The following ULK4 variants were observed in gnomAD, a reference collection of about 807,000 sequenced individuals.
The protein encoded by ULK4 is inactive serine/threonine-protein kinase ULK4.
In ULK4, 133 loss-of-function variants were observed where a neutral mutation model predicts 160.6. That is an observed-to-expected ratio of 0.83 (90% confidence interval 0.72 to 0.96). The LOEUF is 0.96. Among genes scored for constraint, ULK4 ranks in the 40% least tolerant of loss-of-function variants. The probability of loss-of-function intolerance (pLI) is 0.00; values close to 1 mark genes in which losing one functional copy is unlikely to be tolerated. For synonymous variants in ULK4, 534 were observed against 539.8 expected (o/e 0.99, Z 0.15); for missense variants, 1,580 against 1,499.5 (o/e 1.05, Z -0.89).
intron 35 of ULK4, among the ~76,000 whole-genome samples, chr3:41,250,019 G>GT (rs1217940411): frequency 1.3e-5 from 2 of 152,194 alleles, no homozygotes; most frequent in Non-Finnish European, 2.9e-5. Context: ...TGCCAAGAAG[G>GT]TGCCTGGGGA....
rs10652302 is a variant in ULK4, at chr3:41,735,687, TTTA to T, written c.2322-17829_2322-17827del. Among the ~76,000 whole-genome samples, 242 of 144,464 alleles carry T rather than the reference TTTA, an allele frequency of 1.7e-3. 2 individuals are homozygous for T. Among genetic ancestry groups the T allele is most frequent in the African/African-American group, 4.2e-3 (163 of 38,858 alleles). 94.8% of individuals were successfully genotyped at this position (144,464 alleles called of 152,430 possible). A position where few individuals can be genotyped will look rare whatever the true frequency, so the allele number is the denominator to read the frequency against. The stretch of plus-strand genomic sequence containing the variant: ...TTGCTTCACTCCACTCTAAGTCCAT[TTTA>T]TTATTATTATTATTATTATTATTAT... On this transcript the variant is annotated intron_variant, in intron 22 of 36. Transcript: ENST00000301831.
intron 30 of ULK4, among the ~76,000 whole-genome samples, chr3:41,648,790 T>C (rs2034615990): frequency 6.6e-6 from 1 of 152,060 alleles, no homozygotes; most frequent in Admixed American, 6.5e-5. Context: ...CTCTCCAACA[T>C]CACCAGTTTT....
Position 41,681,772 on chromosome 3 carries a change from G to A in ULK4, c.2814C>T (p.Ser938=), listed in dbSNP as rs756275425. The part of the protein sequence containing the change: ...VVDYILPPLV[S]LVQSQNVEWR... ...ACTTACCATTTTGGCTTTGAACCAAGGACACCAAGGGTGGCAGTATATAGT... is the reference window on the plus strand; with the variant it reads ...ACTTACCATTTTGGCTTTGAACCAAAGACACCAAGGGTGGCAGTATATAGT... Residue 938 remains serine, a synonymous_variant, in exon 28 of 37, where the codon TCC becomes TCT. Transcript: ENST00000301831. 1 of 1,614,026 alleles carries A rather than the reference G, an allele frequency of 6.2e-7. No individual in the cohort carries two copies. Among genetic ancestry groups the A allele is most frequent in the Admixed American group, 1.7e-5 (1 of 60,002 alleles).
intron 32 of ULK4, among the ~76,000 whole-genome samples, chr3:41,472,489 A>G (rs1191899300): frequency 6.6e-6 from 1 of 151,746 alleles, no homozygotes; most frequent in East Asian, 1.9e-4. Context: ...GAATCACTTG[A>G]GCCCAGGAGG....
intron 35 of ULK4, among the ~76,000 whole-genome samples, chr3:41,284,300 A>G (rs1007358563): frequency 1.3e-5 from 2 of 152,236 alleles, no homozygotes; most frequent in Non-Finnish European, 2.9e-5. Flanking sequence ...AAGATTAAGC[A>G]AAGAGAACAA....
At chr3:41,560,197 C>G (rs972504956) in intron 32 of ULK4, among the ~76,000 whole-genome samples, 8 of 152,038 alleles carry the variant, frequency 5.3e-5, no homozygotes, top group African/African-American at 1.7e-4. Flanking sequence ...ATTTCTGAGG[C>G]CTCTGTTCTG....
At chr3:41,569,714 CAG>C (rs1314401450) in intron 31 of ULK4, among the ~76,000 whole-genome samples, 4 of 152,124 alleles carry the variant, frequency 2.6e-5, no homozygotes, top group African/African-American at 7.2e-5. Context: ...TCTTGTTGAT[CAG>C]ACTCACCAAA....
chr3:41,697,462 TAAAGA>T, intron 27 of ULK4, among the ~76,000 whole-genome samples: 1 of 152,220 alleles, frequency 6.6e-6, no homozygotes, highest in African/African-American at 2.4e-5. Flanking sequence ...AATAAGGACA[TAAAGA>T]AAATATTTTT....
At chr3:41,794,903 G>A (rs2040260172) in intron 20 of ULK4, among the ~76,000 whole-genome samples, 1 of 151,910 alleles carries the variant, frequency 6.6e-6, no homozygotes, top group Non-Finnish European at 1.5e-5. Flanking sequence ...AAAAATACTT[G>A]GAAATCCTAG....
rs1476906762 is a variant in ULK4, at chr3:41,954,733, C to A, written c.27G>T (p.Glu9Asp). 1.9e-6 allele frequency: 3 copies of A among 1,613,692 alleles called. No individual in the cohort carries two copies. The Admixed American group carries it at 5.0e-5, about 27-fold the overall frequency. ...CAACAGTCTTGCTTCCTCTTCCGAT[C>A]TCCTCATACAGAATAAAGTTTTCCA... MENFILYE[E>D]IGRGSKTVVY... Residue 9 changes from glutamate (E) to aspartate (D), a missense_variant, in exon 2 of 37, where the codon GAG (glutamate) becomes GAT (aspartate). Glu to Asp is a conservative substitution (Grantham distance 45, BLOSUM62 2). Coordinates refer to ENST00000301831, the MANE Select transcript of ULK4 (RefSeq NM_017886.4).
chr3:41,320,524 G>A (rs1280688084), intron 35 of ULK4, among the ~76,000 whole-genome samples: 1 of 152,168 alleles, frequency 6.6e-6, no homozygotes, highest in South Asian at 2.1e-4. Context: ...ACCTAGGCTG[G>A]CCACGGGGAA....
rs373340083 is a variant in ULK4 at position 41,715,458 on chromosome 3, C to T, written c.2566G>A (p.Val856Ile). ...CAATACAATAGTACCTGTGAAGTTA[C>T]GAGGTGAAGCACTACAGGCATCAGG... Reference protein sequence around the residue: ...LPLMPVVLHLVTSQVFRPQVV... With the variant: ...LPLMPVVLHLITSQVFRPQVV... Residue 856 changes from valine to isoleucine, a missense_variant, in exon 24 of 37, where the codon GTA becomes ATA. Val to Ile is a conservative substitution (Grantham distance 29, BLOSUM62 3). Transcript: ENST00000301831. 2.1e-5 allele frequency: 34 copies of T among 1,613,956 alleles called. No homozygotes were observed. The highest frequency in any genetic ancestry group is 6.7e-5 in the African/African-American group (5 of 74,888).
At chr3:41,599,725 C>CAGCTA (rs1027438105) in intron 31 of ULK4, among the ~76,000 whole-genome samples, 2 of 151,900 alleles carry the variant, frequency 1.3e-5, no homozygotes, top group Non-Finnish European at 2.9e-5. Flanking sequence ...CCACCATGCC[C>CAGCTA]AGCTAATTTT....
intron 31 of ULK4, among the ~76,000 whole-genome samples, chr3:41,585,220 A>G (rs555733494): frequency 6.6e-6 from 1 of 152,338 alleles, no homozygotes; most frequent in South Asian, 2.1e-4. Flanking sequence ...AAATCTTGAA[A>G]AAGATGTACA....
intron 18 of ULK4, among the ~76,000 whole-genome samples, chr3:41,824,163 T>TTTTAAA (rs555935496): frequency 8.5e-6 from 1 of 117,812 alleles, no homozygotes. Context: ...ACTCTATCTT[T>TTTTAAA]AAAAAAAAAA....
chr3:41,419,559 G>A (rs1429178771), intron 34 of ULK4, among the ~76,000 whole-genome samples: 4 of 152,186 alleles, frequency 2.6e-5, no homozygotes, highest in African/African-American at 9.7e-5. Context: ...TGGTAACACC[G>A]CCCTGCAGTG....
chr3:41,403,396 C>A (rs1406051956), intron 34 of ULK4, among the ~76,000 whole-genome samples: 1 of 152,166 alleles, frequency 6.6e-6, no homozygotes, highest in African/African-American at 2.4e-5. Context: ...TTGTTCACAG[C>A]ATTCCCTTAT....
chr3:41,365,103 A>C (rs1444198359), intron 35 of ULK4, among the ~76,000 whole-genome samples: 1 of 152,206 alleles, frequency 6.6e-6, no homozygotes, highest in Non-Finnish European at 1.5e-5. Flanking sequence ...GCAGTATTTC[A>C]GCATTTTTAC....
intron 31 of ULK4, among the ~76,000 whole-genome samples, chr3:41,569,279 G>A (rs1333693049): frequency 2.0e-5 from 3 of 152,108 alleles, no homozygotes; most frequent in African/African-American, 7.2e-5. Context: ...CCCAGAGGGT[G>A]GAGATTGGGA....
Sources: allele counts gnomAD v4.1 joint callset (sites outside exome capture counted in the v4.1 genomes callset), GRCh38; gene constraint gnomAD v4.1.1; transcripts MANE v1.5; gene names NCBI Gene and HGNC (gene_info 2026-07-23, HGNC 2026-07-21).